Variants in DAAM2 observed in about 807,000 individuals in gnomAD.
DAAM2 encodes the protein dishevelled associated activator of morphogenesis 2, also known as disheveled-associated activator of morphogenesis 2.
Under a neutral mutation model 120.7 loss-of-function variants are expected in DAAM2, and 39 were observed. The ratio of observed to expected loss-of-function variants is 0.32; its 90% CI spans 0.25 to 0.42. The LOEUF (loss-of-function observed/expected upper bound fraction) is 0.42, where lower values mean the gene tolerates loss of function less well. Ranked by LOEUF, DAAM2 falls within the 10% of genes least tolerant of loss-of-function variation. The probability of loss-of-function intolerance (pLI) is 1.00; values close to 1 mark genes in which losing one functional copy is unlikely to be tolerated. For missense variants in DAAM2, 1,283 were observed against 1,401.7 expected (o/e 0.92, Z 1.35); for synonymous variants, 488 against 524.9 (o/e 0.93, Z 0.96).
At chr6:39,821,973 GGCAGCTGCCCATGA>G (rs1325388431) in intron 1 of DAAM2, 1 of 152,418 alleles carries the variant, frequency 6.6e-6, no homozygotes, top group Non-Finnish European at 1.5e-5. Flanking sequence ...CTTGGATTGA[GGCAGCTGCCCATGA>G]GCAGCAGCGG....
intron 6 of DAAM2, 102 bp from the exon 7 acceptor site, chr6:39,868,721 G>A: frequency 1.2e-6 from 1 of 801,096 alleles, no homozygotes; most frequent in Non-Finnish European, 2.1e-6. Flanking sequence ...GAGAGCAGAT[G>A]GGGCATTCTA....
Position 39,896,856 on chromosome 6 carries a change from A to C in DAAM2, c.2386A>C (p.Arg796=), listed in dbSNP as rs746066522. ...GGAGCTGGTCCGCAGCAAGCGTCTT[A>C]GACAGATGCTAGAGGTCATCCTAGC... The part of the protein sequence containing the change: ...SRELVRSKRL[R]QMLEVILAIG... Residue 796 remains arginine (R), a synonymous_variant, in exon 20 of 25, where the codon AGA becomes CGA. Transcript: ENST00000274867. The C allele has an allele frequency of 1.9e-6, 3 of 1,613,134 alleles. No homozygotes were observed. The highest frequency in any genetic ancestry group is 2.5e-6 in the Non-Finnish European group (3 of 1,179,472).
Position 39,856,353 on chromosome 6 carries a change from CG to C in DAAM2, c.56del (p.Gly19AlafsTer107). 1.9e-6 allele frequency: 3 copies of C among 1,553,544 alleles called. No homozygotes were observed. The highest frequency in any genetic ancestry group is 5.0e-5 in the East Asian group (2 of 40,114). On this transcript the variant is annotated frameshift_variant, in exon 2 of 25. Coordinates refer to ENST00000274867, the MANE Select transcript of DAAM2 (RefSeq NM_001201427.2). LOFTEE classifies it high-confidence loss of function. ...HHGLGFLCCF[G>X]GSDIPEINLR... ...ATGGCCTGGGCTTCCTGTGCTGCTTCGGGGGCAGTGACATCCCCGAAATCAA... is the reference window on the plus strand; with the variant it reads ...ATGGCCTGGGCTTCCTGTGCTGCTTCGGGGCAGTGACATCCCCGAAATCAA...
intron 14 of DAAM2, among the ~76,000 whole-genome samples, chr6:39,881,554 T>TG (rs1554183316): frequency 6.6e-6 from 1 of 151,982 alleles, no homozygotes; most frequent in African/African-American, 2.4e-5. Context: ...CCATCTTTAC[T>TG]AAAAATACAA....
In DAAM2 at chr6:39,878,732, C is replaced by A. The variant is rs1249779858; in HGVS notation, c.1545+144C>A. 3.7e-6 allele frequency: 3 copies of A among 820,364 alleles called. No individual in the cohort carries two copies. The highest frequency in any genetic ancestry group is 5.7e-6 in the Non-Finnish European group (3 of 526,234). 50.8% of individuals were successfully genotyped at this position (820,364 alleles called of 1,614,324 possible). A position where few individuals can be genotyped will look rare whatever the true frequency, so the allele number is the denominator to read the frequency against. ...GACCTTGGGCCAGGATAGAAGAGAC[C>A]CTTGAGGCTGTACAGGTGGCATCTT... On this transcript the variant is annotated intron_variant, in intron 13 of 24. Coordinates refer to ENST00000274867, the MANE Select transcript of DAAM2 (RefSeq NM_001201427.2). This position sits in a 1 kb window ranked among gnomAD's most constrained non-coding sequence, Gnocchi z 5.0.
intron 1 of DAAM2, among the ~76,000 whole-genome samples, chr6:39,835,704 C>G (rs192855729): frequency 8.5e-4 from 129 of 152,334 alleles, no homozygotes; most frequent in African/African-American, 3.1e-3. Context: ...ATGAAAGAGA[C>G]AGGGGCATGG....
chr6:39,854,915 T>G (rs1407071595), intron 1 of DAAM2, among the ~76,000 whole-genome samples: 1 of 152,184 alleles, frequency 6.6e-6, no homozygotes, highest in African/African-American at 2.4e-5. Flanking sequence ...GATTTTTGTG[T>G]CATTAGGGTC....
At chr6:39,887,662 C>A (rs1294586830) in intron 16 of DAAM2, 70 bp downstream of exon 16, 9 of 1,021,882 alleles carry the variant, frequency 8.8e-6, no homozygotes, top group Non-Finnish European at 1.2e-5. Flanking sequence ...GGAGTGGTGG[C>A]AGTCTCGGGC....
At chr6:39,874,620 C>T (rs910538518) in intron 10 of DAAM2, among the ~76,000 whole-genome samples, 1 of 152,144 alleles carries the variant, frequency 6.6e-6, no homozygotes, top group Non-Finnish European at 1.5e-5. Context: ...AACTTGTTGG[C>T]TTTTTATGAT....
intron 19 of DAAM2, 97 bp downstream of exon 19, chr6:39,891,819 T>C (rs934948964): frequency 1.1e-6 from 1 of 921,468 alleles, no homozygotes; most frequent in Non-Finnish European, 1.6e-6. Flanking sequence ...GAAACCCCTT[T>C]CTTATTCTCA....
intron 1 of DAAM2, among the ~76,000 whole-genome samples, chr6:39,795,438 C>T (rs1195888147): frequency 2.0e-5 from 3 of 152,216 alleles, no homozygotes; most frequent in South Asian, 4.2e-4. Context: ...GACCTAAATA[C>T]GAATTAGTAA....
chr6:39,891,099 A>T (rs991042222), intron 17 of DAAM2, among the ~76,000 whole-genome samples: 5 of 151,648 alleles, frequency 3.3e-5, no homozygotes, highest in African/African-American at 9.7e-5. Flanking sequence ...TTAAAAAAAA[A>T]AAAAAAGAAA....
chr6:39,842,324 T>G (rs1582657644), intron 1 of DAAM2, among the ~76,000 whole-genome samples: 1 of 152,056 alleles, frequency 6.6e-6, no homozygotes, highest in East Asian at 1.9e-4. Flanking sequence ...GGGGGAGAAG[T>G]TAATTGGTAT....
At chr6:39,831,928 C>T (rs558673823) in intron 1 of DAAM2, among the ~76,000 whole-genome samples, 1 of 62,098 alleles carries the variant, frequency 1.6e-5, no homozygotes, top group East Asian at 5.4e-4. Flanking sequence ...GGGGCAGATG[C>T]AGTGCGAGGG....
At chr6:39,814,459 G>A (rs928508355) in intron 1 of DAAM2, among the ~76,000 whole-genome samples, 1 of 152,192 alleles carries the variant, frequency 6.6e-6, no homozygotes, top group Non-Finnish European at 1.5e-5. Context: ...GTTGGCGTTG[G>A]CGTTGGGTGA....
chr6:39,851,569 G>A (rs1285683109), intron 1 of DAAM2, among the ~76,000 whole-genome samples: 1 of 152,236 alleles, frequency 6.6e-6, no homozygotes, highest in African/African-American at 2.4e-5. Flanking sequence ...GTCCTGAAAT[G>A]TAAAAGCTGG....
At chr6:39,798,394 C>T (rs1263664299) in intron 1 of DAAM2, among the ~76,000 whole-genome samples, 1 of 152,152 alleles carries the variant, frequency 6.6e-6, no homozygotes, top group Admixed American at 6.5e-5. Flanking sequence ...GCTGTAGTTA[C>T]TAGCAATCAG....
At position 39,901,846 on chromosome 6, in the gene DAAM2, C is replaced by T. The variant is rs553394639; in HGVS notation, c.3016C>T (p.Arg1006Trp). ...KEQRERERWQRQRKVLAAGSS... is the reference protein window; with the variant it reads ...KEQRERERWQWQRKVLAAGSS... ...GCAGAGGGAACGTGAGCGGTGGCAG[C>T]GGCAGCGGAAGGTCCTGGCTGCAGG... Residue 1006 changes from arginine (R) to tryptophan (W), a missense_variant, in exon 25 of 25, where the codon CGG becomes TGG. Coordinates refer to ENST00000274867, the MANE Select transcript of DAAM2 (RefSeq NM_001201427.2). The surrounding 1 kb of genome is among the most constrained non-coding windows in gnomAD (Gnocchi z 4.5). The T allele has an allele frequency of 4.0e-5, 63 of 1,564,050 alleles. 1 individual carries two copies. Among genetic ancestry groups the T allele is most frequent in the South Asian group, 2.7e-4 (23 of 84,898 alleles).
intron 7 of DAAM2, among the ~76,000 whole-genome samples, chr6:39,869,357 G>T (rs1295297314): frequency 6.6e-6 from 1 of 152,130 alleles, no homozygotes; most frequent in Admixed American, 6.5e-5. Flanking sequence ...GGCCTAGGTG[G>T]GTGGATTACC....
Sources: gnomAD v4.1 joint callset for allele counts (sites outside exome capture counted in the v4.1 genomes callset) on GRCh38, gnomAD v4.1.1 for gene constraint, Gnocchi (gnomAD v3.1) non-coding constraint, MANE v1.5 for transcripts, NCBI Gene and HGNC (gene_info 2026-07-23, HGNC 2026-07-21) for gene names.